PLEKHG7: variants seen among roughly 807,000 people sequenced by gnomAD.
The protein encoded by PLEKHG7 is pleckstrin homology domain-containing family G member 7.
PLEKHG7 carries 77 observed loss-of-function variants against 85.2 expected under a neutral mutation model. The observed-to-expected ratio is 0.90, with a 90% CI of 0.75 to 1.09. The LOEUF (loss-of-function observed/expected upper bound fraction) is 1.09. Among genes scored for constraint, PLEKHG7 ranks in the 50% least tolerant of loss-of-function variants. The pLI, the probability that PLEKHG7 is intolerant of heterozygous loss-of-function variation, is 0.00. For missense variants in PLEKHG7, 777 were observed against 804.3 expected, an observed-to-expected ratio of 0.97 and a Z score of 0.41; for synonymous variants, 301 against 302.4, an observed-to-expected ratio of 1.00 and a Z score of 0.05.
intron 3 of PLEKHG7, among the ~76,000 whole-genome samples, chr12:92,710,960 A>G (rs966658510): frequency 1.3e-5 from 2 of 152,156 alleles, no homozygotes; most frequent in Non-Finnish European, 2.9e-5. Context: ...ACAGTTTTTG[A>G]CCACTCAGAG....
chr12:92,743,252 T>C (rs1872420250), intron 9 of PLEKHG7, among the ~76,000 whole-genome samples: 2 of 152,176 alleles, frequency 1.3e-5, no homozygotes, highest in Admixed American at 6.5e-5. Context: ...TTTGAGTTTC[T>C]GCCCGAAACA....
intron 6 of PLEKHG7, 88 bp downstream of exon 6, chr12:92,736,665 G>T (rs889858899): frequency 1.3e-6 from 1 of 768,010 alleles, no homozygotes; most frequent in Admixed American, 4.3e-5. Context: ...ATTTTAAGCT[G>T]CCAGATTACT....
At position 92,771,955 on chromosome 12, in the gene PLEKHG7, A is replaced by G. The variant is rs749623599; in HGVS notation, c.*1760A>G. ...AATTCTATAAAGCTCACAAAGTAAC[A>G]TGTCTAATATACAATATATTAGATG... On this transcript the variant is annotated 3_prime_UTR_variant, in exon 17 of 17. Transcript: ENST00000344636. The G allele has an allele frequency of 1.3e-5, 2 of 152,036 alleles. No homozygotes were observed. The highest frequency in any genetic ancestry group is 4.8e-5 in the African/African-American group (2 of 41,448). 9.4% of individuals were successfully genotyped at this position (152,036 alleles called of 1,614,324 possible). A position where few individuals can be genotyped will look rare whatever the true frequency, so the allele number is the denominator to read the frequency against.
At position 92,770,129 on chromosome 12, in the gene PLEKHG7, T is replaced by C; in HGVS notation, c.2010T>C (p.Phe670=). 6.2e-7 allele frequency: 1 copy of C among 1,607,670 alleles called. No individual in the cohort carries two copies. Among genetic ancestry groups the C allele is most frequent in the Non-Finnish European group, 8.5e-7 (1 of 1,178,076 alleles). ...MAQITTAISC[F]TKSQETKKIS... ...AAATAACAACTGCAATTTCTTGCTTTACCAAGAGTCAGGAAACCAAGAAAA... is the reference window on the plus strand; with the variant it reads ...AAATAACAACTGCAATTTCTTGCTTCACCAAGAGTCAGGAAACCAAGAAAA... Residue 670 remains phenylalanine (F), a synonymous_variant, in exon 17 of 17, where the codon TTT becomes TTC. Coordinates refer to ENST00000344636, the MANE Select transcript of PLEKHG7 (RefSeq NM_001377329.1).
intron 9 of PLEKHG7, among the ~76,000 whole-genome samples, chr12:92,744,810 C>T (rs533953912): frequency 6.6e-5 from 10 of 152,114 alleles, no homozygotes; most frequent in Non-Finnish European, 1.3e-4. Context: ...GGACTACAGG[C>T]CCATGCTGCC....
chr12:92,757,285 TATC>T (rs1210727205), intron 13 of PLEKHG7, among the ~76,000 whole-genome samples: 1 of 152,208 alleles, frequency 6.6e-6, no homozygotes, highest in Non-Finnish European at 1.5e-5. Flanking sequence ...GCCCAATAAA[TATC>T]ATGATGATCA....
intron 7 of PLEKHG7, among the ~76,000 whole-genome samples, chr12:92,739,564 T>C (rs1872286985): frequency 6.6e-6 from 1 of 152,214 alleles, no homozygotes; most frequent in African/African-American, 2.4e-5. Context: ...ATTTCCTGTT[T>C]AAGAAAAGGC....
chr12:92,749,974 T>A (rs376907813), intron 10 of PLEKHG7, among the ~76,000 whole-genome samples: 38 of 16,872 alleles, frequency 2.3e-3, no homozygotes, highest in Admixed American at 9.3e-3. Context: ...ATTTTATATT[T>A]TATTTTATTT....
intron 1 of PLEKHG7, among the ~76,000 whole-genome samples, chr12:92,703,787 G>A (rs1397257040): frequency 2.0e-5 from 3 of 152,190 alleles, no homozygotes; most frequent in Non-Finnish European, 4.4e-5. Context: ...TTAAGACAGT[G>A]GCTAATAAAT....
chr12:92,761,986 G>C (rs1284481289), intron 14 of PLEKHG7, among the ~76,000 whole-genome samples, 155 bp downstream of exon 14: 1 of 151,764 alleles, frequency 6.6e-6, no homozygotes, highest in Non-Finnish European at 1.5e-5. Context: ...GGCTTTTTTA[G>C]TCATAAAGCT....
chr12:92,721,564 G>A, intron 3 of PLEKHG7: 2 of 1,124,416 alleles, frequency 1.8e-6, no homozygotes, highest in Non-Finnish European at 2.2e-6. Flanking sequence ...CTACATGGTG[G>A]GTGGGGGTGG....
At chr12:92,727,035 C>T (rs1450401456) in intron 3 of PLEKHG7, among the ~76,000 whole-genome samples, 1 of 152,168 alleles carries the variant, frequency 6.6e-6, no homozygotes, top group Non-Finnish European at 1.5e-5. Context: ...GTTGACATGT[C>T]TACGTGAGCT....
At chr12:92,712,226 G>A (rs1473386598) in intron 3 of PLEKHG7, among the ~76,000 whole-genome samples, 2 of 152,202 alleles carry the variant, frequency 1.3e-5, no homozygotes, top group Non-Finnish European at 2.9e-5. Flanking sequence ...GGCGAAAAGC[G>A]ATCAAGGTCT....
intron 3 of PLEKHG7, among the ~76,000 whole-genome samples, chr12:92,720,314 T>C (rs1871601966): frequency 7.0e-6 from 1 of 142,758 alleles, no homozygotes; most frequent in South Asian, 2.4e-4. Flanking sequence ...GTGTCTCTTC[T>C]CTTAGTGTCT....
chr12:92,772,370 G>A lies in PLEKHG7; in HGVS notation c.*2175G>A, dbSNP rs553268589. 9.2e-5 allele frequency: 14 copies of A among 151,598 alleles called. No homozygotes were observed. In the East Asian group the frequency reaches 1.9e-3, roughly 21 times the overall value. The allele number at this position is 151,598 out of a possible 1,614,324, so 9.4% of individuals were successfully genotyped here. On this transcript the variant is annotated 3_prime_UTR_variant, in exon 17 of 17. Transcript: ENST00000344636. ...GAGATCAGGAATTTAATTACTATTC[G>A]AAATTGAACAACATTAAAACACCAC...
rs564991769 is a variant in PLEKHG7 at position 92,737,476 on chromosome 12, A to C, written c.894A>C (p.Thr298=). The C allele has an allele frequency of 5.0e-6, 8 of 1,599,112 alleles. No homozygotes were observed. The South Asian group carries it at 8.0e-5, about 16-fold the overall frequency. ...AAGAGGCCGTGTGGGAACTTTTCAC[A>C]AGTGAATGCACCTATTTTTTGGACC... ...KQQEAVWELF[T]SECTYFLDHL... Residue 298 remains threonine, a synonymous_variant, in exon 7 of 17, where the codon ACA becomes ACC. Coordinates refer to ENST00000344636, the MANE Select transcript of PLEKHG7 (RefSeq NM_001377329.1).
Position 92,770,649 on chromosome 12 carries a change from A to G in PLEKHG7, c.*454A>G, listed in dbSNP as rs1873385110. The G allele has an allele frequency of 6.5e-6, 1 of 153,144 alleles. No individual in the cohort carries two copies. Among genetic ancestry groups the G allele is most frequent in the African/African-American group, 2.4e-5 (1 of 41,452 alleles). 9.5% of individuals were successfully genotyped at this position (153,144 alleles called of 1,614,324 possible). On this transcript the variant is annotated 3_prime_UTR_variant, in exon 17 of 17. Transcript: ENST00000344636. ...TTAACCGCTTTATAGTCCTACCTCA[A>G]ACATAATGATAAATCTTTAGATACA...
At chr12:92,766,715 A>G (rs1873210039) in intron 15 of PLEKHG7, among the ~76,000 whole-genome samples, 1 of 152,134 alleles carries the variant, frequency 6.6e-6, no homozygotes, top group South Asian at 2.1e-4. Context: ...CTGTAATTCC[A>G]GCTACTGGGG....
At chr12:92,749,776 A>G (rs1239773924) in intron 10 of PLEKHG7, 1 of 151,976 alleles carries the variant, frequency 6.6e-6, no homozygotes, top group Non-Finnish European at 1.5e-5. Flanking sequence ...TAGAAAGGGT[A>G]AGTAAATTTC....
Sources: gnomAD v4.1 joint callset for allele counts (sites outside exome capture counted in the v4.1 genomes callset) on GRCh38, gnomAD v4.1.1 for gene constraint, MANE v1.5 for transcripts, NCBI Gene and HGNC (gene_info 2026-07-23, HGNC 2026-07-21) for gene names.